Variants in TMEM87A observed in about 807,000 individuals in gnomAD.
The protein encoded by TMEM87A is Golgi-pH regulating cation channel.
A neutral mutation model predicts 90.0 loss-of-function variants in TMEM87A; 50 were observed. The observed-to-expected ratio is 0.56, with a 90% CI of 0.44 to 0.70. The LOEUF (loss-of-function observed/expected upper bound fraction) is 0.70, where lower values mean the gene tolerates loss of function less well. Among genes scored for constraint, TMEM87A ranks in the 30% least tolerant of loss-of-function variants. The pLI is 0.00. For synonymous variants in TMEM87A, 226 were observed against 226.7 expected, an observed-to-expected ratio of 1.00 and a Z score of 0.03; for missense variants, 577 against 660.5, an observed-to-expected ratio of 0.87 and a Z score of 1.39.
chr15:42,232,947 TG>T (rs1595719254), intron 11 of TMEM87A: 1 of 224,306 alleles, frequency 4.5e-6, no homozygotes, highest in East Asian at 9.6e-5. Context: ...GAAAAAAAAA[TG>T]CAAGTCTACT....
intron 2 of TMEM87A, among the ~76,000 whole-genome samples, chr15:42,269,092 C>T (rs2051462052): frequency 6.6e-6 from 1 of 152,002 alleles, no homozygotes; most frequent in African/African-American, 2.4e-5. Flanking sequence ...GCTCATTAAA[C>T]ACAGTTTGGA....
intron 6 of TMEM87A, among the ~76,000 whole-genome samples, chr15:42,252,214 A>G (rs1429182202): frequency 1.3e-5 from 2 of 152,142 alleles, no homozygotes; most frequent in African/African-American, 4.8e-5. Flanking sequence ...GGGTGAGGTG[A>G]TGTCCTGCCC....
chr15:42,242,043 G>C (rs1189214061), intron 7 of TMEM87A, among the ~76,000 whole-genome samples: 15 of 148,334 alleles, frequency 1.0e-4, no homozygotes, highest in African/African-American at 3.8e-4. Context: ...CTCCAGCCTG[G>C]GTGACAGAGT....
chr15:42,266,738 G>C (rs2051413857), intron 3 of TMEM87A, among the ~76,000 whole-genome samples: 1 of 152,058 alleles, frequency 6.6e-6, no homozygotes, highest in Non-Finnish European at 1.5e-5. Flanking sequence ...AATTATTAAT[G>C]TTATTAAATC....
intron 2 of TMEM87A, among the ~76,000 whole-genome samples, chr15:42,271,801 T>C (rs867631646): frequency 1.3e-5 from 2 of 150,696 alleles, no homozygotes; most frequent in Non-Finnish European, 3.0e-5. Context: ...TATATATTAA[T>C]ATATACATTA....
intron 6 of TMEM87A, among the ~76,000 whole-genome samples, chr15:42,253,696 G>A (rs936898498): frequency 3.9e-5 from 6 of 152,178 alleles, no homozygotes; most frequent in African/African-American, 1.4e-4. Flanking sequence ...CAATATCACT[G>A]CACTTTCTTA....
intron 10 of TMEM87A, among the ~76,000 whole-genome samples, chr15:42,234,144 A>G (rs1401121887): frequency 6.6e-6 from 1 of 152,196 alleles, no homozygotes; most frequent in Non-Finnish European, 1.5e-5. Context: ...AATTCTAACG[A>G]TTCCTTAATA....
chr15:42,223,975 C>T (rs1205943252), intron 15 of TMEM87A, among the ~76,000 whole-genome samples: 2 of 152,174 alleles, frequency 1.3e-5, no homozygotes, highest in Non-Finnish European at 2.9e-5. Flanking sequence ...CTACACATAT[C>T]CTTCAACCTA....
intron 10 of TMEM87A, 60 bp downstream of exon 10, chr15:42,236,260 T>G: frequency 7.3e-7 from 1 of 1,373,190 alleles, no homozygotes; most frequent in Non-Finnish European, 1.0e-6. Flanking sequence ...GAACATGCAA[T>G]ACTGTTTTAA....
intron 7 of TMEM87A, 29 bp from the exon 8 acceptor site, chr15:42,239,760 T>C: frequency 6.3e-7 from 1 of 1,595,424 alleles, no homozygotes; most frequent in East Asian, 2.2e-5. Flanking sequence ...CAGAATTAAT[T>C]TACAGGATGC....
At chr15:42,257,816 T>C (rs1485245903) in intron 6 of TMEM87A, 3 of 606,946 alleles carry the variant, frequency 4.9e-6, no homozygotes, top group African/African-American at 2.0e-5. Context: ...AAAGGTGAAG[T>C]AGTATTCAAT....
intron 4 of TMEM87A, among the ~76,000 whole-genome samples, chr15:42,263,213 T>C (rs2051331661): frequency 6.6e-6 from 1 of 152,348 alleles, no homozygotes; most frequent in East Asian, 1.9e-4. Context: ...GAACATCACT[T>C]AGCCTTAAAA....
chr15:42,229,912 G>A (rs547407131), intron 12 of TMEM87A, among the ~76,000 whole-genome samples: 4 of 152,222 alleles, frequency 2.6e-5, no homozygotes, highest in African/African-American at 9.6e-5. Context: ...TGCAACCTCC[G>A]CTTCCAGGGC....
intron 12 of TMEM87A, 38 bp downstream of exon 12, chr15:42,231,154 A>T (rs774704119): frequency 6.4e-7 from 1 of 1,570,872 alleles, no homozygotes; most frequent in Non-Finnish European, 8.6e-7. Context: ...CAAGGGGAGA[A>T]AATGGACCAT....
Position 42,252,329 on chromosome 15 carries a change from C to T in TMEM87A, c.505-8162G>A, listed in dbSNP as rs929342044. 9.2e-5 allele frequency among the ~76,000 whole-genome samples: 14 copies of T among 151,858 alleles called. No individual in the cohort carries two copies. The South Asian group carries it at 2.3e-3, about 25-fold the overall frequency. On this transcript the variant is annotated intron_variant, in intron 6 of 19. Coordinates refer to ENST00000389834, the MANE Select transcript of TMEM87A (RefSeq NM_015497.5). ...TGCAGAAATCACCCGTCTTCTGTGT[C>T]GATCACGCTGGGAGCTGTAGACGGA... is the stretch of plus-strand genomic sequence containing the variant.
At chr15:42,252,291 C>A (rs149467026) in intron 6 of TMEM87A, among the ~76,000 whole-genome samples, 1 of 152,206 alleles carries the variant, frequency 6.6e-6, no homozygotes, top group Non-Finnish European at 1.5e-5. Flanking sequence ...GAGCCAGGTA[C>A]CTCAGTTGGA....
intron 10 of TMEM87A, among the ~76,000 whole-genome samples, chr15:42,235,747 A>G (rs1390385959): frequency 6.6e-6 from 1 of 152,146 alleles, no homozygotes; most frequent in Non-Finnish European, 1.5e-5. Context: ...TACAACTGCA[A>G]GCTCTAGCTC....
intron 12 of TMEM87A, among the ~76,000 whole-genome samples, chr15:42,230,015 A>C (rs2050661739): frequency 6.6e-6 from 1 of 152,158 alleles, no homozygotes; most frequent in African/African-American, 2.4e-5. Context: ...TTGTAGAGAT[A>C]GGGCTTCGCC....
chr15:42,265,732 G>C (rs2051389670), intron 3 of TMEM87A, among the ~76,000 whole-genome samples: 3 of 152,086 alleles, frequency 2.0e-5, no homozygotes, highest in Admixed American at 2.0e-4. Flanking sequence ...TTTTGCTTTT[G>C]TTGCAATTGC....
Sources: gnomAD v4.1 joint callset for allele counts (sites outside exome capture counted in the v4.1 genomes callset) on GRCh38, gnomAD v4.1.1 for gene constraint, MANE v1.5 for transcripts, NCBI Gene and HGNC (gene_info 2026-07-23, HGNC 2026-07-21) for gene names.